SLC25A21: variants seen among roughly 807,000 people sequenced by gnomAD.
SLC25A21 encodes the protein mitochondrial 2-oxodicarboxylate carrier.
Under a neutral mutation model 43.8 loss-of-function variants are expected in SLC25A21, and 47 were observed. That is an observed-to-expected ratio of 1.07 (90% CI 0.85 to 1.37). The LOEUF is 1.37. Among genes scored for constraint, SLC25A21 ranks in the 40% most tolerant of loss-of-function variants. SLC25A21 has a pLI of 0.00. For synonymous variants in SLC25A21, 131 were observed against 121.3 expected (o/e 1.08, Z -0.52); for missense variants, 352 against 350.2 (o/e 1.00, Z -0.04).
intron 1 of SLC25A21, among the ~76,000 whole-genome samples, chr14:37,015,283 C>T (rs58996914): frequency 0.14 from 20,812 of 145,424 alleles, 1,710 homozygotes; most frequent in African/African-American, 0.24. Context: ...TGAGTGAGAA[C>T]ATGCGGTGTT....
chr14:36,988,357 G>A (rs1472236546), intron 1 of SLC25A21, among the ~76,000 whole-genome samples: 2 of 152,140 alleles, frequency 1.3e-5, no homozygotes, highest in African/African-American at 4.8e-5. Context: ...GTCTTCAACA[G>A]GTCACAGCAT....
chr14:37,158,483 T>A (rs565941557), intron 1 of SLC25A21, among the ~76,000 whole-genome samples: 54 of 152,224 alleles, frequency 3.5e-4, no homozygotes, highest in African/African-American at 1.2e-3. Context: ...ACAAAAACCA[T>A]ATGATCATCT....
At chr14:37,024,503 A>G (rs1360115141) in intron 1 of SLC25A21, among the ~76,000 whole-genome samples, 1 of 152,034 alleles carries the variant, frequency 6.6e-6, no homozygotes, top group Non-Finnish European at 1.5e-5. Context: ...CTTTTAGCAC[A>G]TGGTTTCTCC....
Position 36,997,819 on chromosome 14 carries a change from CA to C in SLC25A21, c.71-122816del, listed in dbSNP as rs201032859. ...TCAGTGACAAGGTGAGACTCTGTCT[CA>C]AAAAAAAAAAAAACAACTCTATTAT... On this transcript the variant is annotated intron_variant, in intron 1 of 9. Coordinates refer to ENST00000331299, the MANE Select transcript of SLC25A21 (RefSeq NM_030631.4). Among the ~76,000 whole-genome samples, 581 of 119,602 alleles carry C rather than the reference CA, an allele frequency of 4.9e-3. 4 individuals carry two copies. The highest frequency in any genetic ancestry group is 0.018 in the East Asian group (61 of 3,470). 78.5% of individuals were successfully genotyped at this position (119,602 alleles called of 152,430 possible).
intron 6 of SLC25A21, among the ~76,000 whole-genome samples, chr14:36,721,550 T>C (rs1884374629): frequency 1.3e-5 from 2 of 152,226 alleles, no homozygotes; most frequent in African/African-American, 4.8e-5. Flanking sequence ...AGAACTTCAG[T>C]GTGTCTCTCC....
At chr14:36,732,619 C>T (rs967192327) in intron 4 of SLC25A21, among the ~76,000 whole-genome samples, 6 of 152,058 alleles carry the variant, frequency 3.9e-5, no homozygotes, top group Admixed American at 6.5e-5. Context: ...ATGATTTTAA[C>T]TAAAGTGTCA....
intron 2 of SLC25A21, among the ~76,000 whole-genome samples, chr14:36,833,287 T>C (rs930523079): frequency 2.0e-5 from 3 of 152,192 alleles, no homozygotes; most frequent in African/African-American, 7.2e-5. Flanking sequence ...GAAAACTAAT[T>C]TGAAGCAGTT....
chr14:36,703,845 A>T lies in SLC25A21; in HGVS notation c.603+7473T>A, dbSNP rs73262622. Among the ~76,000 whole-genome samples, 409 of 152,344 alleles carry T rather than the reference A, an allele frequency of 2.7e-3. 2 individuals are homozygous for T. The highest frequency in any genetic ancestry group is 0.01 in the Middle Eastern group (3 of 294). On this transcript the variant is annotated intron_variant, in intron 7 of 9. Transcript: ENST00000331299. ...GGTAATGAAAGAAACTGTTTTTGCA[A>T]TGAGAGTTTATTCCCATGGATATTC...
At chr14:36,804,864 G>A (rs933572904) in intron 3 of SLC25A21, among the ~76,000 whole-genome samples, 2 of 152,016 alleles carry the variant, frequency 1.3e-5, no homozygotes, top group African/African-American at 4.8e-5. Context: ...CGGTTTTAAC[G>A]ACCACTAGAA....
At chr14:36,720,857 AC>A (rs1271051933) in intron 6 of SLC25A21, among the ~76,000 whole-genome samples, 1 of 152,134 alleles carries the variant, frequency 6.6e-6, no homozygotes, top group East Asian at 1.9e-4. Flanking sequence ...GAGTTTAAAG[AC>A]CTTATCAACA....
intron 3 of SLC25A21, among the ~76,000 whole-genome samples, chr14:36,779,424 G>T (rs1886957815): frequency 1.5e-5 from 2 of 137,372 alleles, no homozygotes; most frequent in African/African-American, 2.7e-5. Context: ...TATATATAAA[G>T]AATATTATCC....
chr14:36,792,475 C>T (rs1467833101), intron 3 of SLC25A21, among the ~76,000 whole-genome samples: 1 of 152,126 alleles, frequency 6.6e-6, no homozygotes. Context: ...AGAGCTGTAA[C>T]ATACCCCTCC....
At chr14:36,911,387 C>T (rs571020871) in intron 1 of SLC25A21, among the ~76,000 whole-genome samples, 7 of 152,274 alleles carry the variant, frequency 4.6e-5, no homozygotes, top group Admixed American at 2.6e-4. Context: ...GGGCAGCGTT[C>T]GGATCCCATC....
intron 3 of SLC25A21, among the ~76,000 whole-genome samples, chr14:36,757,816 T>G (rs1885993155): frequency 6.6e-6 from 1 of 152,234 alleles, no homozygotes. Context: ...TTCTTCCTTG[T>G]GAACAAAAGC....
At chr14:37,152,386 A>T (rs1353379263) in intron 1 of SLC25A21, among the ~76,000 whole-genome samples, 1 of 140,712 alleles carries the variant, frequency 7.1e-6, no homozygotes, top group African/African-American at 2.7e-5. Context: ...TTTTATTTCA[A>T]TTTTTTTTTT....
chr14:36,881,183 T>C (rs562692029), intron 1 of SLC25A21, among the ~76,000 whole-genome samples: 3 of 152,316 alleles, frequency 2.0e-5, no homozygotes, highest in African/African-American at 7.2e-5. Context: ...AGGAACTATG[T>C]TATTGTTCTG....
chr14:36,900,411 T>C (rs1891367036), intron 1 of SLC25A21, among the ~76,000 whole-genome samples: 1 of 152,138 alleles, frequency 6.6e-6, no homozygotes, highest in Non-Finnish European at 1.5e-5. Context: ...GCAACATCTC[T>C]TTCTTTGTAA....
intron 3 of SLC25A21, among the ~76,000 whole-genome samples, chr14:36,747,468 T>A (rs1885544217): frequency 6.6e-6 from 1 of 152,212 alleles, no homozygotes; most frequent in African/African-American, 2.4e-5. Flanking sequence ...AGTTGCCTGA[T>A]TTAACAGCTT....
At chr14:37,152,787 T>C (rs1963781322) in intron 1 of SLC25A21, among the ~76,000 whole-genome samples, 1 of 152,118 alleles carries the variant, frequency 6.6e-6, no homozygotes, top group African/African-American at 2.4e-5. Flanking sequence ...AGAATATCAA[T>C]TTTTGAGGAA....
Sources: gnomAD v4.1 joint callset for allele counts (sites outside exome capture counted in the v4.1 genomes callset) on GRCh38, gnomAD v4.1.1 for gene constraint, MANE v1.5 for transcripts, NCBI Gene and HGNC (gene_info 2026-07-23, HGNC 2026-07-21) for gene names.